Variants in PARD3B observed in about 807,000 individuals in gnomAD.
PARD3B encodes the protein partitioning defective 3 homolog B.
Under a neutral mutation model 130.2 loss-of-function variants are expected in PARD3B, and 103 were observed. The ratio of observed to expected loss-of-function variants is 0.79; its 90% confidence interval spans 0.67 to 0.93. PARD3B has a LOEUF of 0.93. Ranked by LOEUF, PARD3B falls within the 40% of genes least tolerant of loss-of-function variation. The pLI, the probability that PARD3B is intolerant of heterozygous loss-of-function variation, is 0.00. For synonymous variants in PARD3B, 583 were observed against 553.2 expected (o/e 1.05, Z -0.76); for missense variants, 1,609 against 1,499.2 (o/e 1.07, Z -1.21).
rs61360338 is a variant in PARD3B at position 205,363,621 on chromosome 2, A to G, written c.2631-37392A>G. Among the ~76,000 whole-genome samples, 25 of 152,208 alleles carry G rather than the reference A, an allele frequency of 1.6e-4. No homozygotes were observed. In the East Asian group the frequency reaches 4.5e-3, roughly 27 times the overall value. ...ACACACAGAGAAAAACCGAGGAGTA[A>G]CACATGCCTCTTTCTTTTCTGGAGC... On this transcript the variant is annotated intron_variant, in intron 18 of 22. Transcript: ENST00000406610.
chr2:205,503,624 TC>T (rs2050240936), intron 21 of PARD3B, among the ~76,000 whole-genome samples: 1 of 152,186 alleles, frequency 6.6e-6, no homozygotes, highest in Admixed American at 6.5e-5. Flanking sequence ...CCAGCTTTGT[TC>T]TTTTGTCTTA....
At position 205,378,838 on chromosome 2, in the gene PARD3B, G is replaced by A. The variant is rs527601861; in HGVS notation, c.2631-22175G>A. Among the ~76,000 whole-genome samples the A allele has an allele frequency of 2.5e-3, 381 of 151,938 alleles. 1 individual carries two copies. The highest frequency in any genetic ancestry group is 4.7e-3 in the Non-Finnish European group (321 of 67,962). The stretch of plus-strand genomic sequence containing the variant: ...GTAGAGACGGGGTTTCACTATGTTG[G>A]CCAGGATGGTCTCAATCTCTTGACC... On this transcript the variant is annotated intron_variant, in intron 18 of 22. Coordinates refer to ENST00000406610, the MANE Select transcript of PARD3B (RefSeq NM_001302769.2).
intron 18 of PARD3B, among the ~76,000 whole-genome samples, chr2:205,347,418 G>T (rs1430060439): frequency 1.3e-5 from 2 of 152,118 alleles, no homozygotes; most frequent in Non-Finnish European, 1.5e-5. Context: ...AGTAAACATG[G>T]TTAAGCTAAC....
At chr2:205,238,884 G>GTATATATATA (rs368546075) in intron 15 of PARD3B, among the ~76,000 whole-genome samples, 1 of 75,276 alleles carries the variant, frequency 1.3e-5, no homozygotes, top group African/African-American at 5.7e-5. Context: ...ATATGTATGT[G>GTATATATATA]TGTATATATA....
chr2:205,086,580 T>A lies in PARD3B; in HGVS notation c.505-17846T>A, dbSNP rs536121790. 9.2e-5 allele frequency among the ~76,000 whole-genome samples: 14 copies of A among 152,198 alleles called. No individual in the cohort carries two copies. The East Asian group carries it at 2.7e-3, about 30-fold the overall frequency. ...GTGACAGTATTTTGGTTATTAGATATTTTTGTTATGGTTTTAAAGTAATTA... is the reference window on the plus strand; with the variant it reads ...GTGACAGTATTTTGGTTATTAGATAATTTTGTTATGGTTTTAAAGTAATTA... On this transcript the variant is annotated intron_variant, in intron 4 of 22. Coordinates refer to ENST00000406610, the MANE Select transcript of PARD3B (RefSeq NM_001302769.2).
At chr2:204,734,200 C>A (rs898274509) in intron 2 of PARD3B, among the ~76,000 whole-genome samples, 6 of 151,994 alleles carry the variant, frequency 3.9e-5, no homozygotes, top group African/African-American at 1.2e-4. Context: ...AAAAGCAAAT[C>A]AAAATTACAG....
rs375763693 is a variant in PARD3B, at chr2:205,458,052, T to G, written c.3044+17380T>G. The stretch of plus-strand genomic sequence containing the variant: ...CTCAACCTGTAATGTATCATTTTTC[T>G]TTGACTGCCTTAAATTTTTTCCTTT... On this transcript the variant is annotated intron_variant, in intron 20 of 22. Transcript: ENST00000406610. The surrounding 1 kb of genome is among the most constrained non-coding windows in gnomAD (Gnocchi z 4.8). Among the ~76,000 whole-genome samples the G allele has an allele frequency of 6.6e-6, 1 of 152,202 alleles. No homozygotes were observed. The highest frequency in any genetic ancestry group is 1.9e-4 in the East Asian group (1 of 5,206).
chr2:204,773,492 G>A (rs554889667), intron 2 of PARD3B, among the ~76,000 whole-genome samples: 2 of 152,006 alleles, frequency 1.3e-5, no homozygotes, highest in East Asian at 3.9e-4. Context: ...AATGGGAATA[G>A]TCATAAATTT....
chr2:204,788,402 C>A (rs760399659), intron 2 of PARD3B, among the ~76,000 whole-genome samples: 5 of 152,230 alleles, frequency 3.3e-5, no homozygotes, highest in African/African-American at 1.2e-4. Flanking sequence ...AAATGACAAG[C>A]TGCCTGTTAC....
chr2:204,650,170 T>C (rs1471643750), intron 1 of PARD3B, among the ~76,000 whole-genome samples: 2 of 152,018 alleles, frequency 1.3e-5, no homozygotes, highest in African/African-American at 2.4e-5. Context: ...CACTGATCAA[T>C]AGAAAAATGC....
chr2:205,102,900 T>C (rs1255265329), intron 4 of PARD3B, among the ~76,000 whole-genome samples: 1 of 151,716 alleles, frequency 6.6e-6, no homozygotes, highest in African/African-American at 2.4e-5. Context: ...CCATCTCTAC[T>C]AAAAATACAA....
At chr2:205,037,368 T>A (rs1170796660) in intron 3 of PARD3B, among the ~76,000 whole-genome samples, 1 of 145,998 alleles carries the variant, frequency 6.8e-6, no homozygotes, top group Non-Finnish European at 1.5e-5. Context: ...ATAAAATATA[T>A]ATAGTGGACT....
rs2054366260 is a variant in PARD3B at position 205,590,958 on chromosome 2, A to G, written c.3261-24498A>G. Reference sequence around the variant, plus strand: ...CCCATATAAAGGAAAAAGACAAGAGAGACAAGAATTATGTCTGTTTTGAGA... The same window carrying G: ...CCCATATAAAGGAAAAAGACAAGAGGGACAAGAATTATGTCTGTTTTGAGA... On this transcript the variant is annotated intron_variant, in intron 22 of 22. Transcript: ENST00000406610. The surrounding 1 kb of genome is among the most constrained non-coding windows in gnomAD (Gnocchi z 4.1). Among the ~76,000 whole-genome samples the G allele has an allele frequency of 6.6e-6, 1 of 152,116 alleles. No individual in the cohort carries two copies.
At chr2:205,494,246 G>A (rs1051833475) in intron 20 of PARD3B, among the ~76,000 whole-genome samples, 3 of 152,124 alleles carry the variant, frequency 2.0e-5, no homozygotes, top group Admixed American at 6.6e-5. Context: ...ACTGAATCCT[G>A]GTTAGGATGC....
At chr2:205,355,257 G>A (rs1171789825) in intron 18 of PARD3B, among the ~76,000 whole-genome samples, 1 of 152,184 alleles carries the variant, frequency 6.6e-6, no homozygotes, top group Admixed American at 6.5e-5. Context: ...AAGCAAATGA[G>A]GCTTTGCCAA....
At chr2:204,771,470 G>A (rs1454966454) in intron 2 of PARD3B, among the ~76,000 whole-genome samples, 1 of 151,980 alleles carries the variant, frequency 6.6e-6, no homozygotes, top group Non-Finnish European at 1.5e-5. Context: ...ATTTAAAATT[G>A]CTGTGTTTTA....
chr2:205,373,929 T>G (rs1437682589), intron 18 of PARD3B, among the ~76,000 whole-genome samples: 1 of 152,204 alleles, frequency 6.6e-6, no homozygotes, highest in African/African-American at 2.4e-5. Flanking sequence ...TCATCACTGA[T>G]GTCTATTTTC....
chr2:205,324,759 C>T lies in PARD3B; in HGVS notation c.2630+23058C>T, dbSNP rs117186365. Among the ~76,000 whole-genome samples the T allele has an allele frequency of 1.3e-4, 20 of 152,210 alleles. No individual in the cohort carries two copies. In the East Asian group the frequency reaches 3.9e-3, roughly 29 times the overall value. On this transcript the variant is annotated intron_variant, in intron 18 of 22. Coordinates refer to ENST00000406610, the MANE Select transcript of PARD3B (RefSeq NM_001302769.2). ...AGTCCTCCTCTCTTCTAACCCTCCT[C>T]TCTCTTTCTCTGGGAGAGAAAGAGA...
At chr2:204,800,574 G>A (rs1009902586) in intron 2 of PARD3B, among the ~76,000 whole-genome samples, 8 of 152,096 alleles carry the variant, frequency 5.3e-5, no homozygotes, top group Non-Finnish European at 1.2e-4. Context: ...CGACCTCAAG[G>A]CATTTAATAA....
Sources: gnomAD v4.1 joint callset for allele counts (sites outside exome capture counted in the v4.1 genomes callset) on GRCh38, gnomAD v4.1.1 for gene constraint, Gnocchi (gnomAD v3.1) non-coding constraint, MANE v1.5 for transcripts, NCBI Gene and HGNC (gene_info 2026-07-23, HGNC 2026-07-21) for gene names.